Variants in PCP4 observed in about 807,000 individuals in gnomAD.
PCP4 encodes calmodulin regulator protein PCP4.
PCP4 carries 8 observed loss-of-function variants against 10.0 expected under a neutral mutation model. That is an observed-to-expected ratio of 0.80 (90% CI 0.47 to 1.45). The LOEUF is 1.45. PCP4 is among the 40% of genes most tolerant of loss of function. The pLI, the probability that PCP4 is intolerant of heterozygous loss-of-function variation, is 0.00. For missense variants in PCP4, 54 were observed against 74.4 expected, an observed-to-expected ratio of 0.73 and a Z score of 1.01; for synonymous variants, 21 against 23.0, an observed-to-expected ratio of 0.91 and a Z score of 0.24.
chr21:39,885,680 C>T (rs999005966), intron 1 of PCP4, among the ~76,000 whole-genome samples: 30 of 152,212 alleles, frequency 2.0e-4, no homozygotes, highest in African/African-American at 7.0e-4. Flanking sequence ...GTGCCCTGGG[C>T]ATCCCCCAAA....
Position 39,904,676 on chromosome 21 carries a change from A to T in PCP4, c.61+6149A>T, listed in dbSNP as rs914433733. ...CAGCTCTGCTCTGCTTCAGATGTGGATTGTGGTCATATCAGAGTTTGAGGA... is the reference window on the plus strand; with the variant it reads ...CAGCTCTGCTCTGCTTCAGATGTGGTTTGTGGTCATATCAGAGTTTGAGGA... On this transcript the variant is annotated intron_variant, in intron 2 of 2. Transcript: ENST00000328619. Among the ~76,000 whole-genome samples, 6 of 152,154 alleles carry T rather than the reference A, an allele frequency of 3.9e-5. No homozygotes were observed. The South Asian group carries it at 1.2e-3, about 32-fold the overall frequency.
intron 1 of PCP4, among the ~76,000 whole-genome samples, chr21:39,885,489 G>T (rs916269278): frequency 6.6e-6 from 1 of 152,220 alleles, no homozygotes; most frequent in Non-Finnish European, 1.5e-5. Flanking sequence ...TCTGGCTCGG[G>T]GCTGGAGAAA....
rs1165998756 is a variant in PCP4, at chr21:39,906,579, C to T, written c.61+8052C>T. Among the ~76,000 whole-genome samples the T allele has an allele frequency of 6.6e-6, 1 of 151,976 alleles. No homozygotes were observed. The highest frequency in any genetic ancestry group is 2.4e-5 in the African/African-American group (1 of 41,376). ...CTCCTCCTTCTTCCCCTTCCTTCCC[C>T]CTTTCCTTCCCTTCCTTCCCTCCCT... On this transcript the variant is annotated intron_variant, in intron 2 of 2. Transcript: ENST00000328619. The surrounding 1 kb of genome is among the most constrained non-coding windows in gnomAD (Gnocchi z 6.3).
At chr21:39,883,973 T>C (rs1388329669) in intron 1 of PCP4, among the ~76,000 whole-genome samples, 1 of 152,210 alleles carries the variant, frequency 6.6e-6, no homozygotes, top group Non-Finnish European at 1.5e-5. Context: ...GTTATTCTCA[T>C]GTAATAAAAA....
intron 1 of PCP4, among the ~76,000 whole-genome samples, chr21:39,876,244 C>G (rs1367157967): frequency 6.6e-6 from 1 of 152,104 alleles, no homozygotes; most frequent in African/African-American, 2.4e-5. Context: ...AAAGCCAAGA[C>G]TCTGCACCCA....
intron 1 of PCP4, among the ~76,000 whole-genome samples, chr21:39,884,674 G>T (rs2087391406): frequency 6.6e-6 from 1 of 151,780 alleles, no homozygotes; most frequent in Non-Finnish European, 1.5e-5. Context: ...GCATGTGCCT[G>T]TAATCCCAGC....
At position 39,898,456 on chromosome 21, in the gene PCP4, C is replaced by G; in HGVS notation, c.10-20C>G. The G allele has an allele frequency of 6.2e-7, 1 of 1,608,100 alleles. No individual in the cohort carries two copies. The highest frequency in any genetic ancestry group is 8.5e-7 in the Non-Finnish European group (1 of 1,175,534). ...TATATCTGATAACAATTGCTTTTTT[C>G]TTTTATTTTTTGCCTTTAGCGACAA... is the stretch of plus-strand genomic sequence containing the variant. On this transcript the variant is annotated intron_variant, in intron 1 of 2. Coordinates refer to ENST00000328619, the MANE Select transcript of PCP4 (RefSeq NM_006198.3).
intron 1 of PCP4, among the ~76,000 whole-genome samples, chr21:39,877,052 C>CA (rs1316437703): frequency 6.6e-6 from 1 of 152,236 alleles, no homozygotes; most frequent in East Asian, 1.9e-4. Flanking sequence ...TGTGCAGAAT[C>CA]ACAGAGCTTC....
Position 39,880,608 on chromosome 21 carries a change from A to G in PCP4, c.9+13098A>G, listed in dbSNP as rs760147112. Among the ~76,000 whole-genome samples the G allele has an allele frequency of 2.5e-4, 38 of 152,182 alleles. 1 individual carries two copies. Among genetic ancestry groups the G allele is most frequent in the Admixed American group, 1.8e-3 (27 of 15,282 alleles). ...AGTGCTGGTTGTTTATCCAGGTGAA[A>G]GCATCCGCTGGCCAGTTTTGTCCCA... On this transcript the variant is annotated intron_variant, in intron 1 of 2. Transcript: ENST00000328619.
chr21:39,923,806 C>T (rs2087608292), intron 2 of PCP4, among the ~76,000 whole-genome samples: 1 of 152,184 alleles, frequency 6.6e-6, no homozygotes, highest in Non-Finnish European at 1.5e-5. Context: ...CGCCCTGCTC[C>T]CTCCTGGACA....
At chr21:39,902,772 G>T (rs956377160) in intron 2 of PCP4, among the ~76,000 whole-genome samples, 6 of 152,026 alleles carry the variant, frequency 3.9e-5, no homozygotes, top group Non-Finnish European at 5.9e-5. Context: ...GGGCTTGGAG[G>T]TTCAGAGATT....
intron 2 of PCP4, among the ~76,000 whole-genome samples, chr21:39,925,789 A>G (rs2087618164): frequency 6.6e-6 from 1 of 152,072 alleles, no homozygotes; most frequent in Non-Finnish European, 1.5e-5. Context: ...AGCTCCTCAC[A>G]GGGCCACCCT....
intron 1 of PCP4, among the ~76,000 whole-genome samples, chr21:39,870,047 G>A (rs2087312350): frequency 6.6e-6 from 1 of 152,210 alleles, no homozygotes; most frequent in South Asian, 2.1e-4. Flanking sequence ...CAAGCCTGCT[G>A]GCTGGAGAGG....
intron 2 of PCP4, among the ~76,000 whole-genome samples, chr21:39,920,863 G>GC (rs955119668): frequency 3.7e-4 from 56 of 152,326 alleles, no homozygotes; most frequent in African/African-American, 1.2e-3. Flanking sequence ...CCTGGCTGCC[G>GC]CCCCCATCCT....
intron 1 of PCP4, among the ~76,000 whole-genome samples, chr21:39,876,912 G>A (rs1237806187): frequency 6.6e-6 from 1 of 152,146 alleles, no homozygotes; most frequent in Non-Finnish European, 1.5e-5. Context: ...CTTAAGGACG[G>A]TTGACCTTGA....
rs138733210 is a variant in PCP4 at position 39,904,020 on chromosome 21, C to T, written c.61+5493C>T. Among the ~76,000 whole-genome samples the T allele has an allele frequency of 2.4e-3, 358 of 152,008 alleles. 3 individuals are homozygous for T. Among genetic ancestry groups the T allele is most frequent in the African/African-American group, 8.3e-3 (345 of 41,496 alleles). On this transcript the variant is annotated intron_variant, in intron 2 of 2. Transcript: ENST00000328619. ...CCAAACCATAAAAGTTTAAGTTTAT[C>T]TCACCTTTGGATTTTGAGGAAACAC... is the stretch of plus-strand genomic sequence containing the variant.
At position 39,877,436 on chromosome 21, in the gene PCP4, C is replaced by A. The variant is rs145533406; in HGVS notation, c.9+9926C>A. On this transcript the variant is annotated intron_variant, in intron 1 of 2. Coordinates refer to ENST00000328619, the MANE Select transcript of PCP4 (RefSeq NM_006198.3). ...GCATGGTGGCTCACTCCTGTAATCC[C>A]AGCACTTTGGGAGACCCAGGTGGGA... Among the ~76,000 whole-genome samples, 333 of 151,868 alleles carry A rather than the reference C, an allele frequency of 2.2e-3. 4 individuals are homozygous for A. The highest frequency in any genetic ancestry group is 7.7e-3 in the African/African-American group (319 of 41,362).
chr21:39,874,252 G>A (rs990204592), intron 1 of PCP4, among the ~76,000 whole-genome samples: 2 of 152,166 alleles, frequency 1.3e-5, no homozygotes, highest in African/African-American at 2.4e-5. Context: ...GACAGTCTTG[G>A]ACTTGGATGA....
intron 2 of PCP4, among the ~76,000 whole-genome samples, chr21:39,923,345 G>A (rs905659757): frequency 6.6e-6 from 1 of 152,166 alleles, no homozygotes; most frequent in Non-Finnish European, 1.5e-5. Flanking sequence ...AGCTTAACTG[G>A]TTACAGTGCA....
Sources: gnomAD v4.1 joint callset for allele counts (sites outside exome capture counted in the v4.1 genomes callset) on GRCh38, gnomAD v4.1.1 for gene constraint, Gnocchi (gnomAD v3.1) non-coding constraint, MANE v1.5 for transcripts, NCBI Gene and HGNC (gene_info 2026-07-23, HGNC 2026-07-21) for gene names.